The following SLC39A11 variants were observed in gnomAD, a reference collection of about 807,000 sequenced individuals.
The protein encoded by SLC39A11 is zinc transporter ZIP11.
SLC39A11 carries 33 observed loss-of-function variants against 36.1 expected under a neutral mutation model. That is an observed-to-expected ratio of 0.91 (90% CI 0.69 to 1.22). SLC39A11 has a LOEUF of 1.22. Among genes scored for constraint, SLC39A11 ranks in the 50% most tolerant of loss-of-function variants. The probability of loss-of-function intolerance (pLI) is 0.00; values close to 1 mark genes in which losing one functional copy is unlikely to be tolerated. For missense variants in SLC39A11, 432 were observed against 430.3 expected (o/e 1.00, Z -0.03); for synonymous variants, 166 against 170.3 (o/e 0.97, Z 0.20).
chr17:72,819,208 A>C (rs1397020467), intron 6 of SLC39A11, among the ~76,000 whole-genome samples: 3 of 149,438 alleles, frequency 2.0e-5, no homozygotes, highest in Admixed American at 1.3e-4. Flanking sequence ...TCCAATATTA[A>C]AAGTGTCCTC....
chr17:72,729,405 TTATATATATATATATATATATATA>T (rs1162603035), intron 7 of SLC39A11, among the ~76,000 whole-genome samples: 1 of 29,222 alleles, frequency 3.4e-5, no homozygotes, highest in Non-Finnish European at 7.2e-5. Context: ...ACCTGGCTAT[TTATATATATATATATATATATATA>T]TATATATATA....
chr17:72,882,799 T>TTTTTTTTTTTTTCTTTTTC (rs1555614365), intron 5 of SLC39A11, among the ~76,000 whole-genome samples: 2,977 of 87,260 alleles, frequency 0.034, 158 homozygotes, highest in African/African-American at 0.11. Flanking sequence ...GAATGCTTCT[T>TTTTTTTTTTTTTCTTTTTC]TTTTTTTTTT....
rs554670933 is a variant in SLC39A11, at chr17:73,036,080, G to A, written c.148-4366C>T. 3.3e-5 allele frequency among the ~76,000 whole-genome samples: 5 copies of A among 152,278 alleles called. No homozygotes were observed. The South Asian group carries it at 1.0e-3, about 32-fold the overall frequency. On this transcript the variant is annotated intron_variant, in intron 3 of 9. Transcript: ENST00000255559. ...AATCCTCCAAGAGGAACCCAGCCCT[G>A]CTGCCACCTTGACTTTGTCCCAGTT...
chr17:72,647,513 T>G lies in SLC39A11; in HGVS notation c.*71A>C. The G allele has an allele frequency of 7.8e-7, 1 of 1,287,272 alleles. No individual in the cohort carries two copies. Among genetic ancestry groups the G allele is most frequent in the Non-Finnish European group, 1.1e-6 (1 of 909,742 alleles). The allele number at this position is 1,287,272 out of a possible 1,614,324, so 79.7% of individuals were successfully genotyped here. The stretch of plus-strand genomic sequence containing the variant: ...AAGTTTTAATGTGAAGAAAGAAGCT[T>G]GTTGTCCCATAGAAGCCAACCACTG... On this transcript the variant is annotated 3_prime_UTR_variant, in exon 10 of 10. Transcript: ENST00000255559.
At chr17:72,807,563 T>C (rs1488747914) in intron 6 of SLC39A11, among the ~76,000 whole-genome samples, 1 of 152,062 alleles carries the variant, frequency 6.6e-6, no homozygotes, top group African/African-American at 2.4e-5. Context: ...ACTGACCTCC[T>C]AGAGGGGATT....
At chr17:72,953,688 C>T (rs550797239) in intron 4 of SLC39A11, among the ~76,000 whole-genome samples, 6 of 152,348 alleles carry the variant, frequency 3.9e-5, no homozygotes, top group African/African-American at 7.2e-5. Flanking sequence ...GTCATAGAAC[C>T]GCAGACCCTG....
At chr17:72,847,623 T>C (rs1567815458) in intron 6 of SLC39A11, among the ~76,000 whole-genome samples, 1 of 152,144 alleles carries the variant, frequency 6.6e-6, no homozygotes, top group Non-Finnish European at 1.5e-5. Context: ...TAAAAAGTAA[T>C]TAAACACATA....
chr17:72,896,756 G>A (rs1598321156), intron 5 of SLC39A11, among the ~76,000 whole-genome samples: 1 of 152,016 alleles, frequency 6.6e-6, no homozygotes, highest in East Asian at 1.9e-4. Flanking sequence ...TGACGCTTAA[G>A]AAAAGTCCTC....
At chr17:72,792,349 G>A (rs901880658) in intron 6 of SLC39A11, among the ~76,000 whole-genome samples, 3 of 152,182 alleles carry the variant, frequency 2.0e-5, no homozygotes, top group African/African-American at 7.2e-5. Context: ...CAGGCAGTGA[G>A]GTAGAACCCA....
chr17:72,923,907 G>T (rs1440588575), intron 5 of SLC39A11, among the ~76,000 whole-genome samples: 1 of 152,108 alleles, frequency 6.6e-6, no homozygotes, highest in African/African-American at 2.4e-5. Context: ...CACTCTGGGA[G>T]GCTGAGGCGG....
chr17:72,924,257 A>AC (rs1160888072), intron 5 of SLC39A11, among the ~76,000 whole-genome samples: 1 of 150,626 alleles, frequency 6.6e-6, no homozygotes, highest in African/African-American at 2.4e-5. Flanking sequence ...GAATTAAGAC[A>AC]CCCCCACCTC....
At chr17:73,063,282 G>A (rs923258365) in intron 3 of SLC39A11, among the ~76,000 whole-genome samples, 11 of 150,350 alleles carry the variant, frequency 7.3e-5, no homozygotes, top group South Asian at 2.2e-4. Context: ...AGCACTAATG[G>A]CAATCAGATC....
intron 6 of SLC39A11, among the ~76,000 whole-genome samples, chr17:72,847,045 T>A (rs893083372): frequency 2.6e-5 from 4 of 152,064 alleles, no homozygotes; most frequent in Non-Finnish European, 5.9e-5. Context: ...TTGGCCATCT[T>A]TGTGCAGTGA....
At chr17:72,753,900 A>C (rs1454503613) in intron 6 of SLC39A11, among the ~76,000 whole-genome samples, 8 of 149,540 alleles carry the variant, frequency 5.3e-5, no homozygotes, top group Non-Finnish European at 1.0e-4. Flanking sequence ...AAAAAAAAAA[A>C]AAAAAAAAAA....
At chr17:72,759,524 C>T (rs867093153) in intron 6 of SLC39A11, among the ~76,000 whole-genome samples, 22 of 152,166 alleles carry the variant, frequency 1.4e-4, no homozygotes, top group African/African-American at 5.3e-4. Context: ...AAAGCAGTAA[C>T]ATCATGGTTC....
chr17:72,703,219 G>T (rs1244612006), intron 7 of SLC39A11, among the ~76,000 whole-genome samples: 1 of 152,164 alleles, frequency 6.6e-6, no homozygotes, highest in Non-Finnish European at 1.5e-5. Flanking sequence ...AGTCCTGCAT[G>T]TGGGACTGAT....
intron 5 of SLC39A11, among the ~76,000 whole-genome samples, chr17:72,888,401 C>A (rs1162574673): frequency 6.6e-6 from 1 of 152,184 alleles, no homozygotes; most frequent in Non-Finnish European, 1.5e-5. Flanking sequence ...AGAGCCTAAA[C>A]ACATGGCTCT....
intron 7 of SLC39A11, among the ~76,000 whole-genome samples, chr17:72,708,413 A>G (rs148646414): frequency 1.1e-3 from 173 of 152,324 alleles, no homozygotes; most frequent in African/African-American, 3.8e-3. Flanking sequence ...TGGGTCTTGA[A>G]TCTGCCAGCC....
chr17:72,985,681 G>A (rs137855658), intron 4 of SLC39A11, among the ~76,000 whole-genome samples: 16 of 152,242 alleles, frequency 1.1e-4, no homozygotes, highest in Non-Finnish European at 2.2e-4. Flanking sequence ...CCAAAGTGCT[G>A]GGATTACAGG....
Sources: allele counts gnomAD v4.1 joint callset (sites outside exome capture counted in the v4.1 genomes callset), GRCh38; gene constraint gnomAD v4.1.1; transcripts MANE v1.5; gene names NCBI Gene and HGNC (gene_info 2026-07-23, HGNC 2026-07-21).